Variants in GSAP observed in about 807,000 individuals in gnomAD.
GSAP encodes gamma-secretase-activating protein.
In GSAP, 118 loss-of-function variants were observed where a neutral mutation model predicts 131.7. The observed-to-expected ratio is 0.90, with a 90% CI of 0.77 to 1.04. The LOEUF is 1.04. Among genes scored for constraint, GSAP ranks in the 50% least tolerant of loss-of-function variants. The pLI is 0.00. For missense variants in GSAP, 1,019 were observed against 1,013.2 expected, an observed-to-expected ratio of 1.01 and a Z score of -0.08; for synonymous variants, 381 against 363.4, an observed-to-expected ratio of 1.05 and a Z score of -0.55.
chr7:77,382,298 T>G (rs1048889989), intron 7 of GSAP, among the ~76,000 whole-genome samples: 10 of 152,060 alleles, frequency 6.6e-5, no homozygotes, highest in Non-Finnish European at 1.5e-4. Context: ...CCATGCAACT[T>G]TCTACAAACA....
At chr7:77,395,500 C>G (rs1220255261) in intron 5 of GSAP, among the ~76,000 whole-genome samples, 2 of 152,106 alleles carry the variant, frequency 1.3e-5, no homozygotes, top group Non-Finnish European at 2.9e-5. Flanking sequence ...GCACTTAATT[C>G]TAAAAGGAGC....
At chr7:77,362,104 G>C (rs1794605234) in intron 13 of GSAP, among the ~76,000 whole-genome samples, 1 of 152,128 alleles carries the variant, frequency 6.6e-6, no homozygotes, top group Non-Finnish European at 1.5e-5. Flanking sequence ...TAGCTAACTT[G>C]ATACTCACCA....
At chr7:77,416,541 C>T (rs994017222), upstream of GSAP, 4 of 393,124 alleles carry the variant, frequency 1.0e-5, no homozygotes, top group Admixed American at 1.9e-4. Flanking sequence ...CCGGGCACGG[C>T]GGGTAGCGGT....
At chr7:77,334,869 G>C (rs530810700) in intron 19 of GSAP, among the ~76,000 whole-genome samples, 6 of 151,958 alleles carry the variant, frequency 3.9e-5, no homozygotes, top group Non-Finnish European at 8.8e-5. Flanking sequence ...TGGATCACAA[G>C]GTCAGGAGAT....
chr7:77,414,098 C>T lies in GSAP; in HGVS notation c.109+2115G>A, dbSNP rs372006725. ...TGACTCAGCCCAGCTCTCTGTTTTG[C>T]CAGGAATATATCATACATATCTCAT... On this transcript the variant is annotated intron_variant, in intron 1 of 30. Transcript: ENST00000257626. 1.8e-4 allele frequency among the ~76,000 whole-genome samples: 27 copies of T among 152,122 alleles called. No homozygotes were observed. In the East Asian group the frequency reaches 3.3e-3, roughly 18 times the overall value.
At chr7:77,344,019 C>T (rs552557353) in intron 19 of GSAP, among the ~76,000 whole-genome samples, 2 of 152,302 alleles carry the variant, frequency 1.3e-5, no homozygotes, top group South Asian at 4.1e-4. Flanking sequence ...ATTAATTTTA[C>T]TCACATGCCC....
chr7:77,373,527 G>T (rs1796432352), intron 12 of GSAP, among the ~76,000 whole-genome samples: 1 of 152,154 alleles, frequency 6.6e-6, no homozygotes, highest in East Asian at 1.9e-4. Flanking sequence ...CAGATTTATT[G>T]AATGTAATCA....
intron 14 of GSAP, among the ~76,000 whole-genome samples, chr7:77,359,167 C>T (rs1304074508): frequency 6.6e-6 from 1 of 151,898 alleles, no homozygotes; most frequent in Non-Finnish European, 1.5e-5. Flanking sequence ...CACCACTGCA[C>T]TCCAGCCTGG....
At chr7:77,341,723 A>C (rs1790925775) in intron 19 of GSAP, among the ~76,000 whole-genome samples, 1 of 152,194 alleles carries the variant, frequency 6.6e-6, no homozygotes, top group Non-Finnish European at 1.5e-5. Flanking sequence ...CACTCCCGAC[A>C]TTAAATAAAG....
chr7:77,407,424 T>C (rs1255754264), intron 1 of GSAP, among the ~76,000 whole-genome samples: 1 of 152,222 alleles, frequency 6.6e-6, no homozygotes. Flanking sequence ...TTAATTGGGA[T>C]ATGTAGTCCA....
intron 19 of GSAP, among the ~76,000 whole-genome samples, chr7:77,343,876 G>A (rs926365080): frequency 8.6e-5 from 13 of 151,970 alleles, no homozygotes; most frequent in South Asian, 2.1e-4. Flanking sequence ...CCTTTCCACC[G>A]TGGAAATCTA....
At chr7:77,386,641 T>G (rs941769513) in intron 6 of GSAP, among the ~76,000 whole-genome samples, 3 of 152,196 alleles carry the variant, frequency 2.0e-5, no homozygotes, top group African/African-American at 7.2e-5. Context: ...TTAGGAACAC[T>G]AGACGGTGCC....
chr7:77,386,212 AAAG>A (rs1798544383), intron 6 of GSAP, among the ~76,000 whole-genome samples: 1 of 152,242 alleles, frequency 6.6e-6, no homozygotes, highest in African/African-American at 2.4e-5. Context: ...GACATTTTTA[AAAG>A]AAGACTTATC....
At chr7:77,367,266 G>C (rs1231980634) in intron 12 of GSAP, among the ~76,000 whole-genome samples, 2 of 152,198 alleles carry the variant, frequency 1.3e-5, no homozygotes, top group Non-Finnish European at 2.9e-5. Context: ...AGTGGTGAGA[G>C]AGGACATCCT....
At chr7:77,368,331 T>A (rs910454753) in intron 12 of GSAP, among the ~76,000 whole-genome samples, 8 of 152,260 alleles carry the variant, frequency 5.3e-5, no homozygotes, top group African/African-American at 1.9e-4. Flanking sequence ...TACGCTTCCC[T>A]GTGAGAGTGG....
At chr7:77,391,380 TA>T (rs1394591881) in intron 5 of GSAP, among the ~76,000 whole-genome samples, 1 of 152,136 alleles carries the variant, frequency 6.6e-6, no homozygotes, top group African/African-American at 2.4e-5. Context: ...TTTCTCTCAA[TA>T]ACATACCATG....
At position 77,353,562 on chromosome 7, in the gene GSAP, C is replaced by T. The variant is rs780010538; in HGVS notation, c.1408+10G>A. Reference sequence around the variant, plus strand: ...TATTCAACTTAAGCTGCAACATCAGCAACACTTACCAATTATAAATTCCTG... The same window carrying T: ...TATTCAACTTAAGCTGCAACATCAGTAACACTTACCAATTATAAATTCCTG... On this transcript the variant is annotated intron_variant, in intron 17 of 30. Transcript: ENST00000257626. The T allele has an allele frequency of 2.5e-6, 4 of 1,590,356 alleles. No homozygotes were observed. Among genetic ancestry groups the T allele is most frequent in the Non-Finnish European group, 3.4e-6 (4 of 1,159,902 alleles).
intron 19 of GSAP, among the ~76,000 whole-genome samples, chr7:77,333,153 G>A (rs1412450178): frequency 6.6e-6 from 1 of 152,114 alleles, no homozygotes; most frequent in East Asian, 1.9e-4. Flanking sequence ...GCGACAGTGC[G>A]AGACTGTCTC....
chr7:77,406,366 T>C (rs997342410), intron 1 of GSAP, among the ~76,000 whole-genome samples: 1 of 152,240 alleles, frequency 6.6e-6, no homozygotes, highest in Non-Finnish European at 1.5e-5. Context: ...GGTATACTGA[T>C]ATACTCTGCA....
Sources: gnomAD v4.1 joint callset for allele counts (sites outside exome capture counted in the v4.1 genomes callset) on GRCh38, gnomAD v4.1.1 for gene constraint, MANE v1.5 for transcripts, NCBI Gene and HGNC (gene_info 2026-07-23, HGNC 2026-07-21) for gene names.